ASAH2: variants seen among roughly 807,000 people sequenced by gnomAD.
ASAH2 encodes neutral ceramidase.
Under a neutral mutation model 82.9 loss-of-function variants are expected in ASAH2, and 58 were observed. The ratio of observed to expected loss-of-function variants is 0.70; its 90% confidence interval spans 0.57 to 0.87. ASAH2 has a LOEUF of 0.87. ASAH2 is among the 40% of genes least tolerant of loss of function. The pLI is 0.00. For synonymous variants in ASAH2, 276 were observed against 289.7 expected, an observed-to-expected ratio of 0.95 and a Z score of 0.48; for missense variants, 779 against 834.0, an observed-to-expected ratio of 0.93 and a Z score of 0.81.
At chr10:50,229,331 A>G (rs1845970847) in intron 7 of ASAH2, among the ~76,000 whole-genome samples, 1 of 152,192 alleles carries the variant, frequency 6.6e-6, no homozygotes, top group Non-Finnish European at 1.5e-5. Context: ...AGAAAAAAAA[A>G]CATTGAATGC....
rs1846415103 is a variant in ASAH2, at chr10:50,245,216, A to G, written c.360+6T>C. On this transcript the variant is annotated splice_donor_region_variant and intron_variant, in intron 3 of 20. Coordinates refer to ENST00000682911, the MANE Select transcript of ASAH2 (RefSeq NM_019893.4). ...AGTCTCCTTAAGGAGCCCATTGTCTACTTGCCAAATTGATATCTGCTACTT... is the reference window on the plus strand; with the variant it reads ...AGTCTCCTTAAGGAGCCCATTGTCTGCTTGCCAAATTGATATCTGCTACTT... 1.9e-6 allele frequency: 3 copies of G among 1,606,306 alleles called. No homozygotes were observed. Among genetic ancestry groups the G allele is most frequent in the South Asian group, 1.1e-5 (1 of 90,878 alleles).
intron 7 of ASAH2, among the ~76,000 whole-genome samples, chr10:50,223,690 T>C (rs34780938): frequency 0.18 from 27,795 of 152,058 alleles, 3,147 homozygotes; most frequent in East Asian, 0.35. Context: ...CTTGCAAATA[T>C]GGGTTTTATA....
chr10:50,227,236 G>A (rs1376118337), intron 7 of ASAH2, among the ~76,000 whole-genome samples: 2 of 151,982 alleles, frequency 1.3e-5, no homozygotes, highest in Non-Finnish European at 2.9e-5. Flanking sequence ...AATATACATG[G>A]CAAATTCTGG....
At chr10:50,199,362 C>T (rs1166136801) in intron 16 of ASAH2, among the ~76,000 whole-genome samples, 2 of 152,026 alleles carry the variant, frequency 1.3e-5, no homozygotes, top group East Asian at 3.9e-4. Context: ...AGTGGGTTCT[C>T]TCGGCTTATG....
At chr10:50,234,110 G>T (rs1032751540) in intron 6 of ASAH2, among the ~76,000 whole-genome samples, 53 of 152,128 alleles carry the variant, frequency 3.5e-4, no homozygotes, top group African/African-American at 1.2e-3. Context: ...ATCACTAAAG[G>T]TCACATTGCT....
At chr10:50,245,102 T>G (rs1846411910) in intron 3 of ASAH2, 120 bp downstream of exon 3, 2 of 918,380 alleles carry the variant, frequency 2.2e-6, no homozygotes, top group Admixed American at 4.3e-5. Flanking sequence ...AGCAGCAAGG[T>G]CAATTAAAAA....
At chr10:50,201,548 C>T (rs979213597) in intron 16 of ASAH2, among the ~76,000 whole-genome samples, 3 of 152,094 alleles carry the variant, frequency 2.0e-5, no homozygotes, top group Admixed American at 6.6e-5. Context: ...ATGAGCCACA[C>T]CCCTGTTGCA....
At chr10:50,236,522 A>G (rs888051652) in intron 4 of ASAH2, among the ~76,000 whole-genome samples, 51,320 of 151,956 alleles carry the variant, frequency 0.34, 10,622 homozygotes, top group Non-Finnish European at 0.45. Context: ...ATTTGGGCGG[A>G]GACACAGACA....
intron 8 of ASAH2, among the ~76,000 whole-genome samples, chr10:50,217,968 T>C (rs1274231551): frequency 6.6e-6 from 1 of 151,970 alleles, no homozygotes; most frequent in African/African-American, 2.4e-5. Context: ...CTACTAAAAA[T>C]ACAAAAATTA....
chr10:50,195,013 T>C (rs1206710674), intron 18 of ASAH2, among the ~76,000 whole-genome samples: 9 of 149,362 alleles, frequency 6.0e-5, no homozygotes, highest in Non-Finnish European at 1.0e-4. Context: ...TGACCCCTAA[T>C]GCAAAAGCAA....
intron 4 of ASAH2, among the ~76,000 whole-genome samples, chr10:50,237,176 T>A (rs1157324192): frequency 6.6e-6 from 1 of 152,174 alleles, no homozygotes; most frequent in Non-Finnish European, 1.5e-5. Context: ...GCTACTCTAG[T>A]ACCTCATTTC....
At chr10:50,240,113 C>T (rs1343750492) in intron 4 of ASAH2, among the ~76,000 whole-genome samples, 3 of 152,140 alleles carry the variant, frequency 2.0e-5, no homozygotes, top group African/African-American at 7.2e-5. Flanking sequence ...CAGACGTGAG[C>T]CACCACACCC....
chr10:50,222,562 G>A (rs1281298046), intron 7 of ASAH2, among the ~76,000 whole-genome samples: 1 of 152,132 alleles, frequency 6.6e-6, no homozygotes, highest in Non-Finnish European at 1.5e-5. Context: ...TTACAGGCAT[G>A]AGCCACCACA....
chr10:50,212,815 G>T (rs1381317793), intron 10 of ASAH2, among the ~76,000 whole-genome samples, 157 bp downstream of exon 10: 2 of 152,128 alleles, frequency 1.3e-5, no homozygotes, highest in East Asian at 3.9e-4. Context: ...CATGTGGATT[G>T]CAAAGGCCAC....
At chr10:50,199,443 C>G (rs1845082535) in intron 16 of ASAH2, among the ~76,000 whole-genome samples, 2 of 151,660 alleles carry the variant, frequency 1.3e-5, no homozygotes, top group Admixed American at 1.3e-4. Flanking sequence ...ATTATAAGTA[C>G]TTGTAATATA....
chr10:50,243,539 A>G (rs542892101), intron 3 of ASAH2, among the ~76,000 whole-genome samples, 188 bp from the exon 4 acceptor site: 112 of 152,358 alleles, frequency 7.4e-4, no homozygotes, highest in Admixed American at 3.1e-3. Flanking sequence ...GCCAAAAAAT[A>G]TCATAAAAGA....
rs764263859 is a variant in ASAH2, at chr10:50,250,398, C to A, written c.-37+997G>T. Among the ~76,000 whole-genome samples the A allele has an allele frequency of 3.7e-4, 56 of 152,156 alleles. 1 individual carries two copies. The highest frequency in any genetic ancestry group is 6.5e-4 in the Non-Finnish European group (44 of 68,032). ...GGAAGCTTTCCTCATCCACTTATCACCACCATAATGCCCTTAACCACCAGC... is the reference window on the plus strand; with the variant it reads ...GGAAGCTTTCCTCATCCACTTATCAACACCATAATGCCCTTAACCACCAGC... On this transcript the variant is annotated intron_variant, in intron 1 of 20. Coordinates refer to ENST00000682911, the MANE Select transcript of ASAH2 (RefSeq NM_019893.4).
In ASAH2 at chr10:50,212,975, T is replaced by G; in HGVS notation, c.1224A>C (p.Ala408=). The G allele has an allele frequency of 6.2e-7, 1 of 1,613,518 alleles. No individual in the cohort carries two copies. Among genetic ancestry groups the G allele is most frequent in the Non-Finnish European group, 8.5e-7 (1 of 1,179,492 alleles). The part of the protein sequence containing the change: ...QIIGRAMYQR[A]KELYASASQE... ...AGGAGCGAGGCCCATGGCTTACCTT[T>G]GCTCTCTGATACATGGCCCGTCCTA... is the stretch of plus-strand genomic sequence containing the variant. The change falls in exon 10 of 21, where the codon GCA becomes GCC. Residue 408 remains alanine (A), a synonymous_variant. Coordinates refer to ENST00000682911, the MANE Select transcript of ASAH2 (RefSeq NM_019893.4).
intron 12 of ASAH2, among the ~76,000 whole-genome samples, 184 bp downstream of exon 12, chr10:50,210,639 T>C (rs1845427214): frequency 6.6e-6 from 1 of 152,102 alleles, no homozygotes; most frequent in Admixed American, 6.6e-5. Context: ...GAGACAGAAA[T>C]ATTAGTGGTT....
Sources: allele counts gnomAD v4.1 joint callset (sites outside exome capture counted in the v4.1 genomes callset), GRCh38; gene constraint gnomAD v4.1.1; transcripts MANE v1.5; gene names NCBI Gene and HGNC (gene_info 2026-07-23, HGNC 2026-07-21).